Variants in BTG3 observed in about 807,000 individuals in gnomAD.
BTG3 encodes protein BTG3.
In BTG3, 4 loss-of-function variants were observed where a neutral mutation model predicts 25.8. The ratio of observed to expected loss-of-function variants is 0.16; its 90% confidence interval spans 0.08 to 0.36. The LOEUF is 0.36. Among genes scored for constraint, BTG3 ranks in the 10% least tolerant of loss-of-function variants. The probability of loss-of-function intolerance (pLI) is 1.00; values close to 1 mark genes in which losing one functional copy is unlikely to be tolerated. For synonymous variants in BTG3, 107 were observed against 99.9 expected (o/e 1.07, Z -0.42); for missense variants, 201 against 304.9 (o/e 0.66, Z 2.54).
chr21:17,603,257 T>G (rs546368008), intron 3 of BTG3, among the ~76,000 whole-genome samples: 1 of 152,332 alleles, frequency 6.6e-6, no homozygotes, highest in East Asian at 1.9e-4. Flanking sequence ...AGTCTGAAAC[T>G]AGCCTAAAGC....
chr21:17,595,733 T>C (rs999359050), intron 4 of BTG3, among the ~76,000 whole-genome samples: 1 of 152,018 alleles, frequency 6.6e-6, no homozygotes, highest in Non-Finnish European at 1.5e-5. Flanking sequence ...CTGCAATGAA[T>C]AACAGCACAG....
At chr21:17,597,592 T>C (rs962592897) in intron 4 of BTG3, among the ~76,000 whole-genome samples, 7 of 152,036 alleles carry the variant, frequency 4.6e-5, no homozygotes, top group Non-Finnish European at 1.0e-4. Context: ...TACTGTCTTG[T>C]ACTGTTTGAA....
rs148632966 is a variant in BTG3 at position 17,601,485 on chromosome 21, C to T, written c.312-2661G>A. Among the ~76,000 whole-genome samples the T allele has an allele frequency of 5.5e-3, 831 of 152,250 alleles. 3 individuals are homozygous for T. The highest frequency in any genetic ancestry group is 9.7e-3 in the Non-Finnish European group (663 of 68,008). On this transcript the variant is annotated intron_variant, in intron 3 of 4. Transcript: ENST00000348354. The stretch of plus-strand genomic sequence containing the variant: ...ATTATAGTGAGCTATGATCATGCCA[C>T]CGCATTCCAGCCTGGACAACACAGC...
intron 1 of BTG3, among the ~76,000 whole-genome samples, chr21:17,609,795 T>A (rs2061694228): frequency 6.6e-6 from 1 of 152,184 alleles, no homozygotes; most frequent in African/African-American, 2.4e-5. Context: ...AATACTGTGT[T>A]ATACACACGT....
At chr21:17,612,455 C>T (rs2061744456) in intron 1 of BTG3, 1 of 152,104 alleles carries the variant, frequency 6.6e-6, no homozygotes, top group East Asian at 1.9e-4. Context: ...GAGGCGGCGT[C>T]TTTTTCCTCA....
intron 2 of BTG3, chr21:17,605,264 T>C (rs1020378181): frequency 1.0e-4 from 28 of 274,254 alleles, no homozygotes; most frequent in East Asian, 2.7e-4. Context: ...TGACCACCCA[T>C]GTACATTAAA....
intron 3 of BTG3, chr21:17,604,120 C>G (rs1044602882): frequency 2.3e-6 from 3 of 1,280,594 alleles, no homozygotes; most frequent in South Asian, 1.3e-5. Context: ...AAAATAAAAC[C>G]ACGAAGTATC....
At chr21:17,597,925 T>C (rs1480005405) in intron 4 of BTG3, among the ~76,000 whole-genome samples, 1 of 152,144 alleles carries the variant, frequency 6.6e-6, no homozygotes, top group Non-Finnish European at 1.5e-5. Flanking sequence ...AGCAAGTAAG[T>C]AAAAATAGAT....
chr21:17,608,843 A>G, intron 2 of BTG3, 129 bp downstream of exon 2: 1 of 899,556 alleles, frequency 1.1e-6, no homozygotes, highest in South Asian at 2.6e-5. Flanking sequence ...AAAATATACA[A>G]ACACCCCAGA....
intron 4 of BTG3, among the ~76,000 whole-genome samples, chr21:17,598,074 G>A (rs1003834048): frequency 2.0e-5 from 3 of 152,084 alleles, no homozygotes; most frequent in African/African-American, 4.8e-5. Flanking sequence ...TCGATTAAAT[G>A]TTCTTTGGTA....
rs2061617583 is a variant in BTG3, at chr21:17,604,732, T to C, written c.311+128A>G. 12 of 1,174,818 alleles carry C rather than the reference T, an allele frequency of 1.0e-5. No individual in the cohort carries two copies. In the South Asian group the frequency reaches 2.1e-4, roughly 20 times the overall value. 72.8% of individuals were successfully genotyped at this position (1,174,818 alleles called of 1,614,324 possible). A position where few individuals can be genotyped will look rare whatever the true frequency, so the allele number is the denominator to read the frequency against. ...CCTCCAGAAAAGTATTTCATAAAAT[T>C]TACATCTGAGAGAGTTAAACCACCA... On this transcript the variant is annotated intron_variant, in intron 3 of 4. Coordinates refer to ENST00000348354, the MANE Select transcript of BTG3 (RefSeq NM_006806.5).
At chr21:17,594,858 G>A (rs1276773231) in intron 4 of BTG3, among the ~76,000 whole-genome samples, 6 of 151,996 alleles carry the variant, frequency 3.9e-5, no homozygotes, top group African/African-American at 1.2e-4. Flanking sequence ...GGGAGGGTGG[G>A]AGAAGGAAAA....
At chr21:17,606,413 ATT>A (rs1372934717) in intron 2 of BTG3, among the ~76,000 whole-genome samples, 1 of 152,124 alleles carries the variant, frequency 6.6e-6, no homozygotes, top group Admixed American at 6.5e-5. Context: ...GAGAAAAATT[ATT>A]TTCTAGTATG....
chr21:17,594,189 TTTA>T lies in BTG3; in HGVS notation c.660_662del (p.Asn220del). The T allele has an allele frequency of 6.2e-7, 1 of 1,613,302 alleles. No individual in the cohort carries two copies. Among genetic ancestry groups the T allele is most frequent in the African/African-American group, 1.3e-5 (1 of 74,978 alleles). ...ATGTCACTGGAATTGGGCGATATGG[TTTA>T]TTTTTTCTTCCCTGATTTGGATAAC... On this transcript the variant is annotated inframe_deletion, in exon 5 of 5. Coordinates refer to ENST00000348354, the MANE Select transcript of BTG3 (RefSeq NM_006806.5).
At position 17,600,791 on chromosome 21, in the gene BTG3, G is replaced by A. The variant is rs528193993; in HGVS notation, c.312-1967C>T. 1.2e-4 allele frequency among the ~76,000 whole-genome samples: 19 copies of A among 152,220 alleles called. No homozygotes were observed. In the South Asian group the frequency reaches 3.1e-3, roughly 25 times the overall value. On this transcript the variant is annotated intron_variant, in intron 3 of 4. Transcript: ENST00000348354. ...AGCTATGCTGTCTTCCATTCCTATAGGCCAAATGAAACTATAAATACTACT... is the reference window on the plus strand; with the variant it reads ...AGCTATGCTGTCTTCCATTCCTATAAGCCAAATGAAACTATAAATACTACT...
At position 17,594,157 on chromosome 21, in the gene BTG3, G is replaced by C. The variant is rs1601076231; in HGVS notation, c.695C>G (p.Pro232Arg). The change falls in exon 5 of 5, where the codon CCT becomes CGT. Residue 232 changes from proline (P) to arginine (R), a missense_variant. Around this residue, in one of 2 missense-constraint regions of BTG3, gnomAD observed 131 missense variants for 129.3 expected, o/e 1.01. Transcript: ENST00000348354. ...CCGGTCACAATGCATTCCAGGAGGA[G>C]GTACCCATGTCACTGGAATTGGGCG... ...PYRPIPVTWV[P>R]PPGMHCDRNH... 6.2e-7 allele frequency: 1 copy of C among 1,613,224 alleles called. No homozygotes were observed. The highest frequency in any genetic ancestry group is 2.2e-5 in the East Asian group (1 of 44,854).
chr21:17,604,403 C>A, intron 3 of BTG3: 1 of 188,120 alleles, frequency 5.3e-6, no homozygotes, highest in Non-Finnish European at 1.1e-5. Context: ...CAAGAATGCA[C>A]CATTGCGCTC....
intron 1 of BTG3, among the ~76,000 whole-genome samples, chr21:17,611,144 C>T (rs778463782): frequency 5.9e-5 from 9 of 152,210 alleles, no homozygotes; most frequent in African/African-American, 9.6e-5. Context: ...AAGCCATTTC[C>T]ACTTTGTAAA....
intron 3 of BTG3, among the ~76,000 whole-genome samples, chr21:17,600,489 T>C (rs1028377062): frequency 6.6e-6 from 1 of 152,154 alleles, no homozygotes; most frequent in Non-Finnish European, 1.5e-5. Context: ...TGGTTATCTA[T>C]TATAAAGTAA....
Sources: allele counts gnomAD v4.1 joint callset (sites outside exome capture counted in the v4.1 genomes callset), GRCh38; gene constraint gnomAD v4.1.1; regional missense constraint gnomAD v4.1.1; transcripts MANE v1.5; gene names NCBI Gene and HGNC (gene_info 2026-07-23, HGNC 2026-07-21).